TANC1: variants seen among roughly 807,000 people sequenced by gnomAD.
TANC1 encodes protein TANC1.
A neutral mutation model predicts 149.7 loss-of-function variants in TANC1; 77 were observed. The ratio of observed to expected loss-of-function variants is 0.51; its 90% CI spans 0.43 to 0.62. TANC1 has a LOEUF of 0.62. Among genes scored for constraint, TANC1 ranks in the 20% least tolerant of loss-of-function variants. The probability of loss-of-function intolerance (pLI) is 0.00; values close to 1 mark genes in which losing one functional copy is unlikely to be tolerated. For synonymous variants in TANC1, 854 were observed against 925.0 expected, an observed-to-expected ratio of 0.92 and a Z score of 1.39; for missense variants, 1,985 against 2,321.8, an observed-to-expected ratio of 0.85 and a Z score of 2.98.
Position 159,191,480 on chromosome 2 carries a change from G to C in TANC1, c.2743-2777G>C, listed in dbSNP as rs558294190. Among the ~76,000 whole-genome samples the C allele has an allele frequency of 6.6e-5, 10 of 152,224 alleles. No individual in the cohort carries two copies. The East Asian group carries it at 1.5e-3, about 24-fold the overall frequency. On this transcript the variant is annotated intron_variant, in intron 16 of 26. Coordinates refer to ENST00000263635, the MANE Select transcript of TANC1 (RefSeq NM_033394.3). The stretch of plus-strand genomic sequence containing the variant: ...AGCATTCCAGTCAGGGAACTAAAAG[G>C]GGGTAAAGACCATGAGGCCGGCCCT...
Position 159,001,868 on chromosome 2 carries a change from G to A in TANC1, c.-16+679G>A, listed in dbSNP as rs1017026968. Among the ~76,000 whole-genome samples the A allele has an allele frequency of 1.3e-5, 2 of 152,140 alleles. No homozygotes were observed. Among genetic ancestry groups the A allele is most frequent in the African/African-American group, 4.8e-5 (2 of 41,430 alleles). ...GTGGACAGAAGGTTCCAGAGGCTGT[G>A]GGGGAAGGGAGAGGGGGTTGTTGAT... On this transcript the variant is annotated intron_variant, in intron 2 of 26. Transcript: ENST00000263635. This position sits in a 1 kb window ranked among gnomAD's most constrained non-coding sequence, Gnocchi z 4.3.
intron 4 of TANC1, among the ~76,000 whole-genome samples, chr2:159,127,389 G>A (rs2049567309): frequency 6.6e-6 from 1 of 152,214 alleles, no homozygotes; most frequent in African/African-American, 2.4e-5. Flanking sequence ...AACTATCATG[G>A]AAGACAGTGT....
At chr2:159,059,374 G>A (rs1321104838) in intron 2 of TANC1, among the ~76,000 whole-genome samples, 2 of 151,966 alleles carry the variant, frequency 1.3e-5, no homozygotes, top group Non-Finnish European at 2.9e-5. Context: ...GGTGGTACAT[G>A]CCTGTAGTCC....
intron 7 of TANC1, among the ~76,000 whole-genome samples, chr2:159,151,183 T>C (rs1422679808): frequency 2.0e-5 from 3 of 152,242 alleles, no homozygotes; most frequent in Non-Finnish European, 2.9e-5. Flanking sequence ...CACACTTTCT[T>C]TCTCTAGATC....
intron 2 of TANC1, among the ~76,000 whole-genome samples, chr2:159,062,953 G>A (rs1379711352): frequency 2.6e-5 from 2 of 76,586 alleles, no homozygotes; most frequent in South Asian, 4.6e-4. Flanking sequence ...CGGCCTGGGC[G>A]ACAGAGCGAG....
Position 159,163,347 on chromosome 2 carries a change from T to C in TANC1, c.747T>C (p.Asp249=). The C allele has an allele frequency of 6.2e-7, 1 of 1,614,212 alleles. No individual in the cohort carries two copies. The highest frequency in any genetic ancestry group is 8.5e-7 in the Non-Finnish European group (1 of 1,180,016). Residue 249 remains aspartate (D), a synonymous_variant, in exon 8 of 27, where the codon GAT becomes GAC. Coordinates refer to ENST00000263635, the MANE Select transcript of TANC1 (RefSeq NM_033394.3). ...RSGSSLEWNK[D]GNLRLGVQKG... ...GCTCCAGTTTGGAATGGAATAAAGA[T>C]GGAAACCTAAGATTAGGGGTTCAGA...
rs73969457 is a variant in TANC1 at position 159,130,506 on chromosome 2, G to A, written c.260-5688G>A. On this transcript the variant is annotated intron_variant, in intron 4 of 26. Coordinates refer to ENST00000263635, the MANE Select transcript of TANC1 (RefSeq NM_033394.3). ...GAGTGTTCCGTATAGATGGCACAGCGATTAGTGTCATTGTGGTTTAATAGG... is the reference window on the plus strand; with the variant it reads ...GAGTGTTCCGTATAGATGGCACAGCAATTAGTGTCATTGTGGTTTAATAGG... 6.5e-3 allele frequency among the ~76,000 whole-genome samples: 989 copies of A among 152,190 alleles called. 9 individuals are homozygous for A. The highest frequency in any genetic ancestry group is 0.022 in the African/African-American group (928 of 41,510).
At chr2:159,010,509 T>C (rs1229910602) in intron 2 of TANC1, among the ~76,000 whole-genome samples, 1 of 152,132 alleles carries the variant, frequency 6.6e-6, no homozygotes, top group Non-Finnish European at 1.5e-5. Context: ...ACTCTTGAAG[T>C]GGAGGCCGTG....
intron 16 of TANC1, among the ~76,000 whole-genome samples, chr2:159,193,057 T>C (rs140854517): frequency 6.6e-6 from 1 of 152,358 alleles, no homozygotes; most frequent in East Asian, 1.9e-4. Context: ...AATATTCACA[T>C]TGTTGTGCGA....
chr2:159,086,077 C>T (rs1043146901), intron 3 of TANC1, among the ~76,000 whole-genome samples: 3 of 152,022 alleles, frequency 2.0e-5, no homozygotes, highest in East Asian at 1.9e-4. Flanking sequence ...TGCACAGCTC[C>T]GGGGGCACTA....
intron 22 of TANC1, among the ~76,000 whole-genome samples, chr2:159,221,482 C>T (rs990070692): frequency 2.6e-5 from 4 of 152,294 alleles, no homozygotes; most frequent in South Asian, 4.1e-4. Context: ...ACCCTTTGAC[C>T]GGTGCCTACC....
chr2:159,035,918 T>TA, intron 2 of TANC1, among the ~76,000 whole-genome samples: 1 of 152,316 alleles, frequency 6.6e-6, no homozygotes, highest in East Asian at 1.9e-4. Context: ...CATGACCTGT[T>TA]AGATTTAATT....
intron 7 of TANC1, among the ~76,000 whole-genome samples, chr2:159,158,067 G>A (rs1007778009): frequency 6.6e-6 from 1 of 152,178 alleles, no homozygotes; most frequent in South Asian, 2.1e-4. Context: ...TCAGAGCAGT[G>A]TAGAGAGGCC....
chr2:159,090,150 C>T (rs1443795428), intron 3 of TANC1, among the ~76,000 whole-genome samples: 2 of 152,186 alleles, frequency 1.3e-5, no homozygotes, highest in African/African-American at 4.8e-5. Flanking sequence ...GTATCCTTCT[C>T]GAGACCCTCC....
rs944916213 is a variant in TANC1 at position 159,175,277 on chromosome 2, T to G, written c.1735+93T>G. The G allele has an allele frequency of 1.3e-5, 13 of 1,000,650 alleles. No individual in the cohort carries two copies. In the African/African-American group the frequency reaches 1.8e-4, roughly 14 times the overall value. 62.0% of individuals were successfully genotyped at this position (1,000,650 alleles called of 1,614,324 possible). On this transcript the variant is annotated intron_variant, in intron 12 of 26. Transcript: ENST00000263635. ...AGGCAGGTGGTCAGCCGGGCTGGGG[T>G]AGAAGTGAGGTGGAGCATGGAGAGG...
At chr2:159,124,345 A>G (rs1344422770) in intron 4 of TANC1, among the ~76,000 whole-genome samples, 1 of 152,146 alleles carries the variant, frequency 6.6e-6, no homozygotes, top group Non-Finnish European at 1.5e-5. Context: ...TTTTGTCTCA[A>G]AAACAAAAAA....
rs565408475 is a variant in TANC1, at chr2:159,136,115, T to G, written c.260-79T>G. On this transcript the variant is annotated intron_variant, in intron 4 of 26. Transcript: ENST00000263635. ...TCCTCTAGGCATATTTGGGTCCTGG[T>G]AAGGACACACACTGTACATTCCAAG... 3.4e-6 allele frequency: 3 copies of G among 875,610 alleles called. No homozygotes were observed. In the South Asian group the frequency reaches 4.2e-5, roughly 12 times the overall value. The allele number at this position is 875,610 out of a possible 1,614,324, so 54.2% of individuals were successfully genotyped here.
chr2:159,139,671 C>CTG, intron 5 of TANC1, among the ~76,000 whole-genome samples: 1 of 152,264 alleles, frequency 6.6e-6, no homozygotes, highest in Non-Finnish European at 1.5e-5. Flanking sequence ...AGTCATTGCT[C>CTG]TGTGAAGATC....
chr2:159,147,212 G>A lies in TANC1; in HGVS notation c.365-1930G>A, dbSNP rs78373118. ...TGGCTCTCTACACAGAGTGTTTCAG[G>A]TTGAACCAGAAGCTAGACATTCTGG... On this transcript the variant is annotated intron_variant, in intron 5 of 26. Coordinates refer to ENST00000263635, the MANE Select transcript of TANC1 (RefSeq NM_033394.3). Among the ~76,000 whole-genome samples the A allele has an allele frequency of 6.6e-3, 1,004 of 152,344 alleles. 7 individuals are homozygous for A. The highest frequency in any genetic ancestry group is 0.017 in the Middle Eastern group (5 of 294).
Sources: allele counts gnomAD v4.1 joint callset (sites outside exome capture counted in the v4.1 genomes callset), GRCh38; gene constraint gnomAD v4.1.1; non-coding constraint Gnocchi (gnomAD v3.1); transcripts MANE v1.5; gene names NCBI Gene and HGNC (gene_info 2026-07-23, HGNC 2026-07-21).